The following VPS54 variants were observed in gnomAD, a reference collection of about 807,000 sequenced individuals.
VPS54 encodes the protein VPS54 subunit of GARP complex, also known as vacuolar protein sorting-associated protein 54.
A neutral mutation model predicts 121.5 loss-of-function variants in VPS54; 45 were observed. The ratio of observed to expected loss-of-function variants is 0.37; its 90% CI spans 0.29 to 0.47. The LOEUF is 0.47. Among genes scored for constraint, VPS54 ranks in the 20% least tolerant of loss-of-function variants. The pLI is 0.99. For synonymous variants in VPS54, 371 were observed against 385.8 expected (o/e 0.96, Z 0.45); for missense variants, 1,090 against 1,131.4 (o/e 0.96, Z 0.52).
intron 12 of VPS54, among the ~76,000 whole-genome samples, chr2:63,924,579 G>C (rs1232758482): frequency 6.6e-6 from 1 of 152,096 alleles, no homozygotes. Flanking sequence ...AGCACTCTGG[G>C]AGGTTGAGAC....
chr2:63,933,895 G>T lies in VPS54; in HGVS notation c.1517C>A (p.Thr506Lys). The T allele has an allele frequency of 6.2e-7, 1 of 1,613,762 alleles. No homozygotes were observed. The highest frequency in any genetic ancestry group is 8.5e-7 in the Non-Finnish European group (1 of 1,179,842). The change falls in exon 12 of 23, where the codon ACA becomes AAA. Residue 506 changes from threonine to lysine, a missense_variant. Physicochemically the swap from Thr to Lys is moderately conservative, Grantham distance 78. Around this residue, in one of 2 missense-constraint regions of VPS54, gnomAD observed 801 missense variants for 757.0 expected, o/e 1.06. Transcript: ENST00000272322. ...TTCATGGATTAAATAAGCCACCTCT[G>T]TGTCCAGTGAATTATCTTTTGCAGC... ...KNAAKDNSLD[T>K]EVAYLIHEGM...
At chr2:63,946,305 T>C (rs185712270) in intron 9 of VPS54, among the ~76,000 whole-genome samples, 2 of 152,158 alleles carry the variant, frequency 1.3e-5, no homozygotes, top group African/African-American at 2.4e-5. Flanking sequence ...TTTGGGCTGT[T>C]TCCAGTTTTT....
chr2:64,005,421 C>A (rs768800584), intron 1 of VPS54, among the ~76,000 whole-genome samples: 8 of 152,016 alleles, frequency 5.3e-5, no homozygotes, highest in Non-Finnish European at 1.2e-4. Flanking sequence ...CTTCTTAATA[C>A]GAATCTAGTA....
At chr2:63,952,726 CAATATCTTACAGTAGACTA>C (rs1278022093) in intron 7 of VPS54, among the ~76,000 whole-genome samples, 1 of 152,118 alleles carries the variant, frequency 6.6e-6, no homozygotes, top group Non-Finnish European at 1.5e-5. Flanking sequence ...TAAATGGCAT[CAATATCTTACAGTAGACTA>C]ATTTAGAATA....
intron 10 of VPS54, among the ~76,000 whole-genome samples, chr2:63,943,080 AC>A (rs1161286717): frequency 2.0e-5 from 3 of 152,210 alleles, no homozygotes; most frequent in African/African-American, 7.2e-5. Context: ...GAGGAAACTG[AC>A]AGAACCTACC....
intron 12 of VPS54, among the ~76,000 whole-genome samples, chr2:63,928,803 G>A (rs1165171028): frequency 2.0e-5 from 3 of 149,876 alleles, no homozygotes; most frequent in South Asian, 2.1e-4. Context: ...CAAAATAAAG[G>A]GATGGAGGAA....
At chr2:63,985,890 C>T (rs1677029186) in intron 1 of VPS54, among the ~76,000 whole-genome samples, 1 of 152,100 alleles carries the variant, frequency 6.6e-6, no homozygotes, top group Admixed American at 6.5e-5. Flanking sequence ...TAAAAGTTTA[C>T]ACATATTTAA....
At chr2:63,942,603 G>A (rs80187000) in intron 10 of VPS54, 42 bp from the exon 11 acceptor site, 40,400 of 1,465,922 alleles carry the variant, frequency 0.028, 689 homozygotes, top group Non-Finnish European at 0.031. Flanking sequence ...ATTGTCTCTG[G>A]GCCAATCAAT....
At chr2:63,972,343 G>T in intron 3 of VPS54, 99 bp from the exon 4 acceptor site, 2 of 778,376 alleles carry the variant, frequency 2.6e-6, no homozygotes, top group Non-Finnish European at 4.0e-6. Context: ...TGCCAAATTA[G>T]TCCTACGACT....
intron 1 of VPS54, among the ~76,000 whole-genome samples, chr2:63,987,956 T>C (rs1250449718): frequency 6.6e-6 from 1 of 152,228 alleles, no homozygotes; most frequent in Non-Finnish European, 1.5e-5. Flanking sequence ...TAAGATCATA[T>C]AATCTACAAA....
Position 63,972,202 on chromosome 2 carries a change from TAGG to T in VPS54, c.418_420del (p.Pro140del), listed in dbSNP as rs1395010509. 3.8e-6 allele frequency: 6 copies of T among 1,596,672 alleles called. No individual in the cohort carries two copies. The African/African-American group carries it at 5.3e-5, about 14-fold the overall frequency. ...AAAAGAGTCCTTTCGAAGGTATCTTTAGGAGGACAAATATTCTTGCATCTCTCA... is the reference window on the plus strand; with the variant it reads ...AAAAGAGTCCTTTCGAAGGTATCTTTAGGACAAATATTCTTGCATCTCTCA... On this transcript the variant is annotated inframe_deletion, in exon 4 of 23. Coordinates refer to ENST00000272322, the MANE Select transcript of VPS54 (RefSeq NM_016516.3).
At chr2:63,989,057 T>C (rs1172929541) in intron 1 of VPS54, among the ~76,000 whole-genome samples, 3 of 152,160 alleles carry the variant, frequency 2.0e-5, no homozygotes. Flanking sequence ...TACGCAGTTG[T>C]AGATAGGGAT....
chr2:64,016,749 C>T (rs1188594064), intron 1 of VPS54, among the ~76,000 whole-genome samples: 1 of 151,742 alleles, frequency 6.6e-6, no homozygotes, highest in African/African-American at 2.4e-5. Context: ...GCTGGGATGA[C>T]AGGCGCTCAC....
intron 20 of VPS54, among the ~76,000 whole-genome samples, chr2:63,908,460 G>A (rs1377351696): frequency 1.3e-5 from 2 of 152,098 alleles, no homozygotes; most frequent in Non-Finnish European, 2.9e-5. Flanking sequence ...TACCAATGAT[G>A]TTCTATAACT....
At chr2:63,988,398 G>A (rs4507090) in intron 1 of VPS54, among the ~76,000 whole-genome samples, 1,869 of 152,272 alleles carry the variant, frequency 0.012, 17 homozygotes, top group Non-Finnish European at 0.015. Flanking sequence ...AATTTGGTTT[G>A]CTAGTATTTT....
chr2:63,993,289 A>G (rs915703085), intron 1 of VPS54, among the ~76,000 whole-genome samples: 3 of 152,206 alleles, frequency 2.0e-5, no homozygotes, highest in African/African-American at 7.2e-5. Flanking sequence ...CGACCTATGC[A>G]CTAACTTGTT....
chr2:63,940,296 C>G (rs1212133428), intron 11 of VPS54, among the ~76,000 whole-genome samples: 1 of 152,088 alleles, frequency 6.6e-6, no homozygotes, highest in East Asian at 1.9e-4. Context: ...GACAGAATCA[C>G]AAACTTTTTT....
At chr2:63,972,087 A>G (rs1258301864) in intron 4 of VPS54, 79 bp downstream of exon 4, 3 of 858,786 alleles carry the variant, frequency 3.5e-6, no homozygotes, top group Non-Finnish European at 3.3e-6. Flanking sequence ...TATAACAGGC[A>G]ATAAGGTCCC....
intron 1 of VPS54, among the ~76,000 whole-genome samples, chr2:63,987,475 C>T (rs567127161): frequency 6.6e-6 from 1 of 151,592 alleles, no homozygotes; most frequent in South Asian, 2.1e-4. Context: ...TTCCAATTTT[C>T]TTTTTTTTGC....
Sources: allele counts gnomAD v4.1 joint callset (sites outside exome capture counted in the v4.1 genomes callset), GRCh38; gene constraint gnomAD v4.1.1; regional missense constraint gnomAD v4.1.1; transcripts MANE v1.5; gene names NCBI Gene and HGNC (gene_info 2026-07-23, HGNC 2026-07-21).